The following NALF1 variants were observed in gnomAD, a reference collection of about 807,000 sequenced individuals.
NALF1 encodes the protein NALCN channel auxiliary factor 1, also known as family with sequence similarity 155 member A.
Under a neutral mutation model 48.4 loss-of-function variants are expected in NALF1, and 3 were observed. That is an observed-to-expected ratio of 0.06 (90% CI 0.03 to 0.16). NALF1 has a LOEUF of 0.16. Among genes scored for constraint, NALF1 ranks in the 10% least tolerant of loss-of-function variants. The pLI is 1.00. For synonymous variants in NALF1, 262 were observed against 245.7 expected (o/e 1.07, Z -0.62); for missense variants, 526 against 571.5 (o/e 0.92, Z 0.81).
chr13:107,201,428 C>A (rs113302792), intron 2 of NALF1, among the ~76,000 whole-genome samples: 5 of 152,058 alleles, frequency 3.3e-5, no homozygotes, highest in African/African-American at 9.7e-5. Context: ...TACCAAAAAA[C>A]CAGCCGGACG....
chr13:107,578,051 A>G (rs1878203182), intron 1 of NALF1, among the ~76,000 whole-genome samples: 1 of 152,182 alleles, frequency 6.6e-6, no homozygotes, highest in Non-Finnish European at 1.5e-5. Context: ...CTACAGGTCT[A>G]AAATTGATTG....
intron 1 of NALF1, among the ~76,000 whole-genome samples, chr13:107,382,493 T>C (rs1051291099): frequency 1.3e-5 from 2 of 152,172 alleles, no homozygotes; most frequent in Non-Finnish European, 2.9e-5. Context: ...TCACTCAGCT[T>C]CTCCTAATGT....
chr13:107,362,505 T>C lies in NALF1; in HGVS notation c.916-151750A>G. Among the ~76,000 whole-genome samples the C allele has an allele frequency of 6.6e-6, 1 of 152,142 alleles. No individual in the cohort carries two copies. The highest frequency in any genetic ancestry group is 1.9e-4 in the East Asian group (1 of 5,174). ...ATGACTCCAATTTATACCACTGTTG[T>C]CACTTGGCATTCTCCTGTGTGTCCT... On this transcript the variant is annotated intron_variant, in intron 1 of 2. Coordinates refer to ENST00000375915, the MANE Select transcript of NALF1 (RefSeq NM_001080396.3). This position sits in a 1 kb window ranked among gnomAD's most constrained non-coding sequence, Gnocchi z 4.6.
chr13:107,810,104 C>T (rs1878942577), intron 1 of NALF1, among the ~76,000 whole-genome samples: 1 of 152,026 alleles, frequency 6.6e-6, no homozygotes, highest in African/African-American at 2.4e-5. Flanking sequence ...TTTCTACTTC[C>T]TTACCAATCC....
chr13:107,410,889 G>C (rs1264834534), intron 1 of NALF1, among the ~76,000 whole-genome samples: 1 of 152,142 alleles, frequency 6.6e-6, no homozygotes, highest in Admixed American at 6.6e-5. Context: ...AAGACTTTTG[G>C]TGTGGAAGAA....
chr13:107,408,574 G>C (rs1883939575), intron 1 of NALF1, among the ~76,000 whole-genome samples: 2 of 152,126 alleles, frequency 1.3e-5, no homozygotes, highest in Non-Finnish European at 2.9e-5. Context: ...CTGAGAGCTA[G>C]TTCTGTATGG....
intron 2 of NALF1, among the ~76,000 whole-genome samples, chr13:107,171,445 G>A (rs1410938612): frequency 6.6e-6 from 1 of 152,228 alleles, no homozygotes; most frequent in Non-Finnish European, 1.5e-5. Context: ...CACAGAAGGA[G>A]TCTCTCTGCT....
chr13:107,262,969 T>C (rs1260422540), intron 1 of NALF1, among the ~76,000 whole-genome samples: 1 of 152,158 alleles, frequency 6.6e-6, no homozygotes, highest in African/African-American at 2.4e-5. Flanking sequence ...TGTATAGGAA[T>C]GATTCAGGGC....
At chr13:107,643,321 CTT>C (rs1207162264) in intron 1 of NALF1, among the ~76,000 whole-genome samples, 2 of 152,106 alleles carry the variant, frequency 1.3e-5, no homozygotes, top group Non-Finnish European at 2.9e-5. Flanking sequence ...AAATAATAGA[CTT>C]AAGGTATTAG....
chr13:107,833,771 G>A (rs1044950310), intron 1 of NALF1, among the ~76,000 whole-genome samples: 53 of 152,142 alleles, frequency 3.5e-4, no homozygotes, highest in African/African-American at 1.3e-3. Flanking sequence ...TGCTTCTCAT[G>A]TAAAGGTATT....
At chr13:107,635,000 CT>C (rs1008554420) in intron 1 of NALF1, among the ~76,000 whole-genome samples, 1 of 152,000 alleles carries the variant, frequency 6.6e-6, no homozygotes, top group African/African-American at 2.4e-5. Context: ...TGTAAATTAC[CT>C]TTTCTACTTC....
At chr13:107,853,252 T>G (rs1880364120) in intron 1 of NALF1, among the ~76,000 whole-genome samples, 1 of 152,224 alleles carries the variant, frequency 6.6e-6, no homozygotes, top group South Asian at 2.1e-4. Context: ...GTGAGAAAAT[T>G]TAATATCCAT....
chr13:107,672,071 G>C (rs754776450), intron 1 of NALF1, among the ~76,000 whole-genome samples: 4 of 152,074 alleles, frequency 2.6e-5, no homozygotes, highest in Admixed American at 6.6e-5. Context: ...TAACATGTTC[G>C]GAGAACGTGA....
intron 1 of NALF1, among the ~76,000 whole-genome samples, chr13:107,550,405 T>C (rs981013198): frequency 6.6e-6 from 1 of 152,146 alleles, no homozygotes; most frequent in Non-Finnish European, 1.5e-5. Context: ...GAGTGAAGCT[T>C]TGAGATTTCT....
intron 2 of NALF1, among the ~76,000 whole-genome samples, chr13:107,178,823 TA>T (rs1878996607): frequency 6.6e-6 from 1 of 151,962 alleles, no homozygotes; most frequent in African/African-American, 2.4e-5. Flanking sequence ...CGGGTGCCTG[TA>T]GTCGCAGCTA....
chr13:107,805,323 T>G (rs1035586434), intron 1 of NALF1, among the ~76,000 whole-genome samples: 1 of 152,202 alleles, frequency 6.6e-6, no homozygotes, highest in Non-Finnish European at 1.5e-5. Flanking sequence ...TCATCAATAA[T>G]TGACCCTCAA....
At chr13:107,820,518 G>C (rs915215936) in intron 1 of NALF1, among the ~76,000 whole-genome samples, 1 of 152,128 alleles carries the variant, frequency 6.6e-6, no homozygotes, top group East Asian at 1.9e-4. Flanking sequence ...CCTTGTCAAG[G>C]TACTGACATG....
intron 1 of NALF1, among the ~76,000 whole-genome samples, chr13:107,598,683 T>C (rs1878827140): frequency 1.3e-5 from 2 of 152,212 alleles, no homozygotes; most frequent in Admixed American, 1.3e-4. Context: ...GCTTTGGAAC[T>C]GGTTCTTCTG....
At chr13:107,737,177 T>C (rs1057392231) in intron 1 of NALF1, among the ~76,000 whole-genome samples, 2 of 152,206 alleles carry the variant, frequency 1.3e-5, no homozygotes, top group Non-Finnish European at 2.9e-5. Flanking sequence ...ACCAGTGTCT[T>C]CTTAGTAGCC....
Sources: allele counts gnomAD v4.1 joint callset (sites outside exome capture counted in the v4.1 genomes callset), GRCh38; gene constraint gnomAD v4.1.1; non-coding constraint Gnocchi (gnomAD v3.1); transcripts MANE v1.5; gene names NCBI Gene and HGNC (gene_info 2026-07-23, HGNC 2026-07-21).